The following ASTN1 variants were observed in gnomAD, a reference collection of about 807,000 sequenced individuals.
ASTN1 encodes the protein astrotactin-1.
In ASTN1, 41 loss-of-function variants were observed where a neutral mutation model predicts 140.7. The observed-to-expected ratio is 0.29, with a 90% CI of 0.23 to 0.38. ASTN1 has a LOEUF of 0.38. ASTN1 is among the 10% of genes least tolerant of loss of function. The pLI is 1.00. For synonymous variants in ASTN1, 640 were observed against 652.2 expected (o/e 0.98, Z 0.29); for missense variants, 1,479 against 1,678.8 (o/e 0.88, Z 2.08).
At chr1:176,905,704 C>G (rs1301955179) in intron 16 of ASTN1, among the ~76,000 whole-genome samples, 1 of 152,064 alleles carries the variant, frequency 6.6e-6, no homozygotes, top group African/African-American at 2.4e-5. Context: ...ACCGCTTAGT[C>G]CTCATCTCTT....
intron 1 of ASTN1, among the ~76,000 whole-genome samples, chr1:177,144,346 G>C (rs1460950903): frequency 6.9e-6 from 1 of 144,770 alleles, no homozygotes; most frequent in Non-Finnish European, 1.5e-5. Context: ...TCCGCCTCCC[G>C]GGTTCACGCC....
chr1:176,933,562 CT>C (rs1671299155), intron 16 of ASTN1, among the ~76,000 whole-genome samples: 1 of 152,162 alleles, frequency 6.6e-6, no homozygotes, highest in African/African-American at 2.4e-5. Context: ...ATTTCTTATA[CT>C]TACTTGAACT....
chr1:177,045,082 C>A (rs1394369645), intron 2 of ASTN1, among the ~76,000 whole-genome samples: 2 of 152,084 alleles, frequency 1.3e-5, no homozygotes, highest in East Asian at 3.8e-4. Context: ...CTACCTATGC[C>A]CTTTCTGTGC....
intron 1 of ASTN1, among the ~76,000 whole-genome samples, chr1:177,137,374 T>C (rs1209385200): frequency 6.6e-6 from 1 of 152,104 alleles, no homozygotes; most frequent in Non-Finnish European, 1.5e-5. Flanking sequence ...CCATAGACAT[T>C]ATTAACTAAG....
intron 1 of ASTN1, among the ~76,000 whole-genome samples, chr1:177,089,568 T>C (rs890545275): frequency 1.3e-5 from 2 of 152,028 alleles, no homozygotes; most frequent in African/African-American, 4.8e-5. Context: ...AGGGTACACA[T>C]GTTTGCACAC....
intron 1 of ASTN1, among the ~76,000 whole-genome samples, chr1:177,114,112 A>C (rs1452365546): frequency 6.6e-6 from 1 of 152,182 alleles, no homozygotes; most frequent in Non-Finnish European, 1.5e-5. Context: ...GACTAGATGC[A>C]CAGGCTTTGG....
intron 1 of ASTN1, among the ~76,000 whole-genome samples, chr1:177,140,289 G>T (rs1000649913): frequency 2.0e-5 from 3 of 152,136 alleles, no homozygotes; most frequent in African/African-American, 7.2e-5. Flanking sequence ...CTTTTTATGG[G>T]TATGTACAGG....
At chr1:177,141,887 T>C (rs148270218) in intron 1 of ASTN1, among the ~76,000 whole-genome samples, 3 of 152,334 alleles carry the variant, frequency 2.0e-5, no homozygotes, top group Non-Finnish European at 2.9e-5. Flanking sequence ...CTTTCTTACT[T>C]GACTGGATGA....
At position 176,884,448 on chromosome 1, in the gene ASTN1, C is replaced by T; in HGVS notation, c.3117G>A (p.Val1039=). 3 of 1,613,998 alleles carry T rather than the reference C, an allele frequency of 1.9e-6. No homozygotes were observed. Among genetic ancestry groups the T allele is most frequent in the Non-Finnish European group, 2.5e-6 (3 of 1,179,924 alleles). Residue 1039 remains valine, a synonymous_variant, in exon 19 of 23, where the codon GTG becomes GTA. Coordinates refer to ENST00000361833, the MANE Select transcript of ASTN1 (RefSeq NM_004319.3). The part of the protein sequence containing the change: ...STVHEPSSTL[V]VLEWEHSEPP... ...GCTCTGAGTGTTCCCACTCCAGGAC[C>T]ACAAGAGTGCTGCTGGGCTCGTGAA...
intron 1 of ASTN1, among the ~76,000 whole-genome samples, chr1:177,094,637 T>C (rs1203925274): frequency 6.6e-6 from 1 of 152,228 alleles, no homozygotes; most frequent in African/African-American, 2.4e-5. Context: ...ACCCATTGTA[T>C]GGCATTTTGT....
chr1:176,999,131 T>C (rs913698039), intron 8 of ASTN1, among the ~76,000 whole-genome samples: 4 of 152,188 alleles, frequency 2.6e-5, no homozygotes, highest in African/African-American at 9.6e-5. Flanking sequence ...AGACTCTAAA[T>C]GACATAAAAC....
At chr1:177,148,953 C>A (rs971397529) in intron 1 of ASTN1, among the ~76,000 whole-genome samples, 1 of 147,052 alleles carries the variant, frequency 6.8e-6, no homozygotes, top group African/African-American at 2.5e-5. Context: ...GCTGAGTATG[C>A]TTATAGGCTT....
At chr1:176,954,688 C>A (rs1022478790) in intron 11 of ASTN1, among the ~76,000 whole-genome samples, 2 of 152,170 alleles carry the variant, frequency 1.3e-5, no homozygotes, top group Non-Finnish European at 2.9e-5. Flanking sequence ...TCTTACCTTG[C>A]ACACTAAGAA....
intron 17 of ASTN1, among the ~76,000 whole-genome samples, chr1:176,891,788 C>T (rs1430315757): frequency 6.6e-6 from 1 of 151,858 alleles, no homozygotes; most frequent in African/African-American, 2.4e-5. Context: ...AGCAAAACTC[C>T]GTCTCAAAAA....
At chr1:177,115,209 T>G (rs1189793894) in intron 1 of ASTN1, among the ~76,000 whole-genome samples, 1 of 152,160 alleles carries the variant, frequency 6.6e-6, no homozygotes, top group Non-Finnish European at 1.5e-5. Context: ...GAGCCTGTTC[T>G]GATTCAATAC....
At chr1:177,137,953 C>T (rs188226518) in intron 1 of ASTN1, among the ~76,000 whole-genome samples, 87 of 152,214 alleles carry the variant, frequency 5.7e-4, no homozygotes, top group South Asian at 1.0e-3. Context: ...AAAATATCAG[C>T]ACTTAAAGGA....
At chr1:176,913,268 T>C (rs900567448) in intron 16 of ASTN1, among the ~76,000 whole-genome samples, 3 of 152,248 alleles carry the variant, frequency 2.0e-5, no homozygotes, top group Admixed American at 6.5e-5. Context: ...CAATTCTTCT[T>C]TGGTCCTCTT....
intron 1 of ASTN1, among the ~76,000 whole-genome samples, chr1:177,125,509 T>C (rs1222005667): frequency 6.6e-6 from 1 of 152,214 alleles, no homozygotes; most frequent in African/African-American, 2.4e-5. Context: ...CTTACCTAGA[T>C]GTAGAGGCAA....
At chr1:176,970,627 A>G (rs1473850078) in intron 8 of ASTN1, among the ~76,000 whole-genome samples, 1 of 152,126 alleles carries the variant, frequency 6.6e-6, no homozygotes, top group Non-Finnish European at 1.5e-5. Context: ...AGACAGATAG[A>G]TAGATAAAAG....
Sources: gnomAD v4.1 joint callset for allele counts (sites outside exome capture counted in the v4.1 genomes callset) on GRCh38, gnomAD v4.1.1 for gene constraint, MANE v1.5 for transcripts, NCBI Gene and HGNC (gene_info 2026-07-23, HGNC 2026-07-21) for gene names.